The following ELL variants were observed in gnomAD, a reference collection of about 807,000 sequenced individuals.
ELL encodes the protein RNA polymerase II elongation factor ELL.
A neutral mutation model predicts 64.0 loss-of-function variants in ELL; 18 were observed. That is an observed-to-expected ratio of 0.28 (90% CI 0.19 to 0.42). The LOEUF (loss-of-function observed/expected upper bound fraction) is 0.42. Among genes scored for constraint, ELL ranks in the 10% least tolerant of loss-of-function variants. ELL has a pLI of 1.00. For missense variants in ELL, 797 were observed against 870.4 expected (o/e 0.92, Z 1.06); for synonymous variants, 399 against 376.2 (o/e 1.06, Z -0.70).
At chr19:18,454,066 A>C (rs1974599663) in intron 6 of ELL, among the ~76,000 whole-genome samples, 1 of 152,186 alleles carries the variant, frequency 6.6e-6, no homozygotes, top group South Asian at 2.1e-4. Flanking sequence ...CCTTTTGGGG[A>C]AATGAAAATT....
chr19:18,494,877 G>A (rs1450107246), intron 1 of ELL, among the ~76,000 whole-genome samples: 2 of 152,162 alleles, frequency 1.3e-5, no homozygotes, highest in South Asian at 2.1e-4. Context: ...CACTTCCCTA[G>A]CCGGGTGGCA....
Position 18,450,721 on chromosome 19 carries a change from G to A in ELL, c.1221C>T (p.Ser407=), listed in dbSNP as rs778584474. Residue 407 remains serine (S), a synonymous_variant, in exon 8 of 12, where the codon AGC becomes AGT. Transcript: ENST00000262809. ...CCTCTCCGTGCTCACAGTCTCGGCCGCTGTGGCCCAGGTCATTGCTGACAT... is the reference window on the plus strand; with the variant it reads ...CCTCTCCGTGCTCACAGTCTCGGCCACTGTGGCCCAGGTCATTGCTGACAT... ...LADVSNDLGH[S]GRDCEHGEAA... 1.5e-5 allele frequency: 23 copies of A among 1,585,504 alleles called. No individual in the cohort carries two copies. The highest frequency in any genetic ancestry group is 1.7e-4 in the Middle Eastern group (1 of 6,034).
At chr19:18,452,824 G>T (rs1033679767) in intron 6 of ELL, among the ~76,000 whole-genome samples, 2 of 152,234 alleles carry the variant, frequency 1.3e-5, no homozygotes, top group Non-Finnish European at 2.9e-5. Context: ...CAGGGCCCAG[G>T]ACTAGGGCAC....
chr19:18,463,985 CA>C (rs35433498), intron 4 of ELL, among the ~76,000 whole-genome samples: 79 of 138,766 alleles, frequency 5.7e-4, no homozygotes, highest in African/African-American at 8.3e-4. Context: ...GACTCCATCT[CA>C]AAAAAAAAAA....
intron 1 of ELL, among the ~76,000 whole-genome samples, chr19:18,484,890 A>G (rs1250904397): frequency 2.0e-5 from 3 of 152,230 alleles, no homozygotes; most frequent in African/African-American, 4.8e-5. Context: ...GCGGTGCCAG[A>G]TAACAACTGC....
In ELL at chr19:18,446,795, G is replaced by A. The variant is rs370086014; in HGVS notation, c.1485C>T (p.Ser495=). 7.4e-6 allele frequency: 12 copies of A among 1,613,962 alleles called. No individual in the cohort carries two copies. Among genetic ancestry groups the A allele is most frequent in the South Asian group, 5.5e-5 (5 of 91,090 alleles). The stretch of plus-strand genomic sequence containing the variant: ...ACGTGGACGTGGGAACACTGGAAAC[G>A]CTGCAGGTTCCGTTTAAACCTACGA... The part of the protein sequence containing the change: ...ADTPGLNGTC[S]VSSVPTSTSE... The change falls in exon 9 of 12, where the codon AGC becomes AGT. Residue 495 remains serine (S), a synonymous_variant. Coordinates refer to ENST00000262809, the MANE Select transcript of ELL (RefSeq NM_006532.4).
intron 8 of ELL, 120 bp downstream of exon 8, chr19:18,450,357 G>A: frequency 2.0e-6 from 3 of 1,465,240 alleles, no homozygotes; most frequent in South Asian, 1.4e-5. Flanking sequence ...GGGGCCTGGG[G>A]CAACAGGGTC....
At position 18,444,748 on chromosome 19, in the gene ELL, G is replaced by A; in HGVS notation, c.*4C>T. 1 of 1,596,904 alleles carries A rather than the reference G, an allele frequency of 6.3e-7. No homozygotes were observed. The highest frequency in any genetic ancestry group is 8.5e-7 in the Non-Finnish European group (1 of 1,174,722). ...TCCCAGATCCCCGCCATCGGGGAGG[G>A]CGGCTAGGGCCAAGCCTGCAGCTGC... is the stretch of plus-strand genomic sequence containing the variant. On this transcript the variant is annotated 3_prime_UTR_variant, in exon 12 of 12. Transcript: ENST00000262809.
intron 1 of ELL, among the ~76,000 whole-genome samples, chr19:18,509,536 T>G (rs1294588478): frequency 2.0e-5 from 3 of 149,786 alleles, no homozygotes; most frequent in African/African-American, 7.4e-5. Context: ...GGGCCCAACC[T>G]AAGGTCTCCA....
chr19:18,445,108 A>T (rs1411101505), intron 11 of ELL, 116 bp downstream of exon 11: 31 of 1,452,030 alleles, frequency 2.1e-5, no homozygotes, highest in Non-Finnish European at 2.8e-5. Context: ...CTCAGACTCA[A>T]AGGCTCTTCC....
intron 1 of ELL, among the ~76,000 whole-genome samples, chr19:18,513,232 T>C (rs1976064805): frequency 6.6e-6 from 1 of 152,210 alleles, no homozygotes; most frequent in Non-Finnish European, 1.5e-5. Context: ...CTGGGTCACC[T>C]GCCTCACCTC....
At chr19:18,504,183 G>A (rs1466466295) in intron 1 of ELL, among the ~76,000 whole-genome samples, 1 of 152,204 alleles carries the variant, frequency 6.6e-6, no homozygotes, top group Non-Finnish European at 1.5e-5. Context: ...CAACAGGCCA[G>A]GGACGGCACA....
rs577848973 is a variant in ELL at position 18,487,133 on chromosome 19, G to A, written c.136-14251C>T. On this transcript the variant is annotated intron_variant, in intron 1 of 11. Coordinates refer to ENST00000262809, the MANE Select transcript of ELL (RefSeq NM_006532.4). ...CAGACCCCGCTACCCCCCACCAGGA[G>A]ACCCCCTGAGAAAGGAGTAACTGCT... 7.9e-5 allele frequency among the ~76,000 whole-genome samples: 12 copies of A among 152,294 alleles called. No homozygotes were observed. In the East Asian group the frequency reaches 1.4e-3, roughly 17 times the overall value.
At chr19:18,456,759 G>A (rs1200188939) in intron 6 of ELL, among the ~76,000 whole-genome samples, 1 of 152,070 alleles carries the variant, frequency 6.6e-6, no homozygotes, top group South Asian at 2.1e-4. Context: ...GCCACATGTG[G>A]TGCCAGCTCA....
chr19:18,472,664 G>T, intron 2 of ELL, 171 bp downstream of exon 2: 3 of 753,620 alleles, frequency 4.0e-6, no homozygotes, highest in African/African-American at 1.8e-5. Flanking sequence ...ACACGTCCTG[G>T]TGTGGCCCCA....
At chr19:18,463,352 T>TTTTTTA (rs1974868414) in intron 4 of ELL, among the ~76,000 whole-genome samples, 1 of 115,534 alleles carries the variant, frequency 8.7e-6, no homozygotes, top group African/African-American at 4.0e-5. Flanking sequence ...TTTTTTTTTT[T>TTTTTTA]GAGACAGAGT....
intron 1 of ELL, 139 bp from the exon 2 acceptor site, chr19:18,473,021 ACT>A (rs1975098080): frequency 9.4e-7 from 1 of 1,059,120 alleles, no homozygotes; most frequent in South Asian, 1.5e-5. Context: ...AAATGCACAC[ACT>A]CTGAAAATTA....
At chr19:18,455,492 G>GAA (rs894882196) in intron 6 of ELL, among the ~76,000 whole-genome samples, 12 of 118,802 alleles carry the variant, frequency 1.0e-4, no homozygotes, top group South Asian at 5.5e-4. Flanking sequence ...TCTGTCTCAG[G>GAA]AAAAAAAAAA....
chr19:18,519,152 G>C (rs748972670), intron 1 of ELL, among the ~76,000 whole-genome samples: 33 of 151,880 alleles, frequency 2.2e-4, no homozygotes, highest in Non-Finnish European at 3.4e-4. Context: ...CACAAAGTCA[G>C]GAGATCGAAA....
Sources: allele counts gnomAD v4.1 joint callset (sites outside exome capture counted in the v4.1 genomes callset), GRCh38; gene constraint gnomAD v4.1.1; transcripts MANE v1.5; gene names NCBI Gene and HGNC (gene_info 2026-07-23, HGNC 2026-07-21).